The following DENND1B variants were observed in gnomAD, a reference collection of about 807,000 sequenced individuals.
The protein encoded by DENND1B is DENN domain-containing protein 1B.
DENND1B carries 59 observed loss-of-function variants against 90.1 expected under a neutral mutation model. The ratio of observed to expected loss-of-function variants is 0.65; its 90% confidence interval spans 0.53 to 0.81. DENND1B has a LOEUF of 0.81. DENND1B is among the 40% of genes least tolerant of loss of function. The probability of loss-of-function intolerance (pLI) is 0.00; values close to 1 mark genes in which losing one functional copy is unlikely to be tolerated. For missense variants in DENND1B, 862 were observed against 912.6 expected (o/e 0.94, Z 0.71); for synonymous variants, 337 against 324.6 (o/e 1.04, Z -0.41).
At chr1:197,559,058 T>C (rs1220979809) in intron 15 of DENND1B, among the ~76,000 whole-genome samples, 1 of 151,982 alleles carries the variant, frequency 6.6e-6, no homozygotes, top group African/African-American at 2.4e-5. Flanking sequence ...GGAATGTATA[T>C]GTCCTCTAAG....
At chr1:197,599,470 T>C (rs1229651646) in intron 13 of DENND1B, among the ~76,000 whole-genome samples, 1 of 151,828 alleles carries the variant, frequency 6.6e-6, no homozygotes, top group East Asian at 1.9e-4. Context: ...TCCTAAGATA[T>C]TTTTAAATAT....
intron 16 of DENND1B, among the ~76,000 whole-genome samples, chr1:197,546,993 C>T (rs1670858283): frequency 6.6e-6 from 1 of 152,092 alleles, no homozygotes; most frequent in Non-Finnish European, 1.5e-5. Flanking sequence ...AAAAGAAATA[C>T]ATATACAACT....
intron 15 of DENND1B, among the ~76,000 whole-genome samples, chr1:197,558,328 AAT>A (rs35270544): frequency 0.79 from 120,035 of 151,274 alleles, 47,765 homozygotes; most frequent in East Asian, 0.87. Context: ...ATAAATTATA[AAT>A]AGATAAAATT....
At chr1:197,551,113 C>CACACACACACACACA (rs368753746) in intron 16 of DENND1B, among the ~76,000 whole-genome samples, 1 of 49,312 alleles carries the variant, frequency 2.0e-5, no homozygotes, top group Non-Finnish European at 3.9e-5. Context: ...ACACACACAC[C>CACACACACACACACA]CCCTAGATAG....
intron 3 of DENND1B, among the ~76,000 whole-genome samples, chr1:197,693,180 C>T (rs1286241135): frequency 6.6e-6 from 1 of 151,600 alleles, no homozygotes; most frequent in African/African-American, 2.4e-5. Context: ...GCATTGTTGT[C>T]TGGTCAAATA....
intron 3 of DENND1B, among the ~76,000 whole-genome samples, chr1:197,698,374 A>C (rs1658665307): frequency 6.6e-6 from 1 of 152,292 alleles, no homozygotes; most frequent in South Asian, 2.1e-4. Context: ...ATGAGAACAA[A>C]GAGACAACAT....
intron 20 of DENND1B, among the ~76,000 whole-genome samples, chr1:197,529,991 A>G (rs1274405927): frequency 6.6e-6 from 1 of 152,126 alleles, no homozygotes; most frequent in African/African-American, 2.4e-5. Flanking sequence ...CAAAAGGGAA[A>G]AGGGTTGGGT....
chr1:197,524,781 G>T (rs981638336), intron 20 of DENND1B, among the ~76,000 whole-genome samples: 1 of 152,048 alleles, frequency 6.6e-6, no homozygotes, highest in East Asian at 1.9e-4. Context: ...TCTCCATTAT[G>T]GTATGTCCAT....
intron 10 of DENND1B, among the ~76,000 whole-genome samples, chr1:197,629,637 C>T (rs978555054): frequency 2.0e-5 from 3 of 151,688 alleles, no homozygotes; most frequent in African/African-American, 7.3e-5. Flanking sequence ...TGTAACTAAG[C>T]TGCACATTGT....
intron 15 of DENND1B, among the ~76,000 whole-genome samples, chr1:197,579,118 T>C (rs1376707292): frequency 6.6e-6 from 1 of 152,220 alleles, no homozygotes; most frequent in African/African-American, 2.4e-5. Context: ...AGTCAAATGA[T>C]TAGGAGTTTT....
chr1:197,577,774 T>C (rs1673815754), intron 15 of DENND1B, among the ~76,000 whole-genome samples: 1 of 152,134 alleles, frequency 6.6e-6, no homozygotes, highest in African/African-American at 2.4e-5. Flanking sequence ...GAGAAATTCA[T>C]ACAAATGGAA....
In DENND1B at chr1:197,692,700, G is replaced by A. The variant is rs114810717; in HGVS notation, c.127-18531C>T. Among the ~76,000 whole-genome samples, 771 of 151,926 alleles carry A rather than the reference G, an allele frequency of 5.1e-3. 7 individuals carry two copies. Among genetic ancestry groups the A allele is most frequent in the African/African-American group, 0.017 (715 of 41,516 alleles). On this transcript the variant is annotated intron_variant, in intron 3 of 22. Coordinates refer to ENST00000620048, the MANE Select transcript of DENND1B (RefSeq NM_001195215.2). ...TAGCTGGTTATATCAAAAGGAGGAA[G>A]TGAAATATATTGTTTACCTCTTAAA... is the stretch of plus-strand genomic sequence containing the variant.
intron 14 of DENND1B, among the ~76,000 whole-genome samples, chr1:197,592,648 G>C (rs1442116064): frequency 6.6e-6 from 1 of 152,040 alleles, no homozygotes; most frequent in Admixed American, 6.6e-5. Flanking sequence ...GAGAAGCTTG[G>C]GACATTCGAA....
intron 13 of DENND1B, chr1:197,605,917 A>C (rs993834339): frequency 6.6e-6 from 1 of 151,070 alleles, no homozygotes; most frequent in Admixed American, 6.6e-5. Flanking sequence ...GGCTGGTATT[A>C]GTGTATTTTT....
At chr1:197,716,591 T>A (rs1444100626) in intron 2 of DENND1B, among the ~76,000 whole-genome samples, 1 of 151,852 alleles carries the variant, frequency 6.6e-6, no homozygotes, top group African/African-American at 2.4e-5. Flanking sequence ...AAAATTTGAA[T>A]CTCATAAAAC....
At position 197,545,007 on chromosome 1, in the gene DENND1B, C is replaced by T. The variant is rs912895669; in HGVS notation, c.1350+915G>A. 2.7e-3 allele frequency among the ~76,000 whole-genome samples: 20 copies of T among 7,520 alleles called. No homozygotes were observed. The East Asian group carries it at 0.03, about 11-fold the overall frequency. The allele number at this position is 7,520 out of a possible 152,430, so 4.9% of individuals were successfully genotyped here. A position where few individuals can be genotyped will look rare whatever the true frequency, so the allele number is the denominator to read the frequency against. Reference sequence around the variant, plus strand: ...GGGGAAGAAGGAAGAAGGAAGACGACGACGACGACGACGAAAGAAGGAGGA... The same window carrying T: ...GGGGAAGAAGGAAGAAGGAAGACGATGACGACGACGACGAAAGAAGGAGGA... On this transcript the variant is annotated intron_variant, in intron 18 of 22. Transcript: ENST00000620048.
At chr1:197,683,575 A>G (rs1656913613) in intron 3 of DENND1B, among the ~76,000 whole-genome samples, 1 of 152,200 alleles carries the variant, frequency 6.6e-6, no homozygotes, top group African/African-American at 2.4e-5. Context: ...GGTGCTCCAC[A>G]GAGAGAACCT....
chr1:197,535,574 T>A (rs1198756408), intron 20 of DENND1B, among the ~76,000 whole-genome samples: 3 of 152,202 alleles, frequency 2.0e-5, no homozygotes, highest in Non-Finnish European at 4.4e-5. Context: ...ATTTAATATG[T>A]TTTGACCACA....
In DENND1B at chr1:197,510,470, T is replaced by G; in HGVS notation, c.2318A>C (p.Asn773Thr). Residue 773 changes from asparagine (N) to threonine (T), a missense_variant, in exon 23 of 23, where the codon AAC becomes ACC. Asn to Thr is a moderately conservative substitution (Grantham distance 65). Coordinates refer to ENST00000620048, the MANE Select transcript of DENND1B (RefSeq NM_001195215.2). ...GCTTGGATGCAAGATTTAAGTTTGG[T>G]TTCCATTTGTGTTTTTGTCTGAAAT... is the stretch of plus-strand genomic sequence containing the variant. ...LNISDKNTNG[N>T]QT 6.2e-7 allele frequency: 1 copy of G among 1,601,528 alleles called. No homozygotes were observed.
Sources: allele counts gnomAD v4.1 joint callset (sites outside exome capture counted in the v4.1 genomes callset), GRCh38; gene constraint gnomAD v4.1.1; transcripts MANE v1.5; gene names NCBI Gene and HGNC (gene_info 2026-07-23, HGNC 2026-07-21).